MTF2: variants seen among roughly 807,000 people sequenced by gnomAD.
MTF2 encodes metal-response element-binding transcription factor 2.
MTF2 carries 11 observed loss-of-function variants against 79.5 expected under a neutral mutation model. The observed-to-expected ratio is 0.14, with a 90% CI of 0.09 to 0.23. The LOEUF (loss-of-function observed/expected upper bound fraction) is 0.23, where lower values mean the gene tolerates loss of function less well. MTF2 is among the 10% of genes least tolerant of loss of function. The pLI, the probability that MTF2 is intolerant of heterozygous loss-of-function variation, is 1.00. For missense variants in MTF2, 486 were observed against 711.2 expected (o/e 0.68, Z 3.60); for synonymous variants, 208 against 232.8 (o/e 0.89, Z 0.97).
At chr1:93,088,573 A>G (rs1313769978) in intron 1 of MTF2, among the ~76,000 whole-genome samples, 1 of 152,088 alleles carries the variant, frequency 6.6e-6, no homozygotes, top group Non-Finnish European at 1.5e-5. Context: ...TGTCATTTAC[A>G]ATTTTTTTTT....
chr1:93,097,898 C>CT (rs893539136), intron 1 of MTF2, among the ~76,000 whole-genome samples: 1 of 152,132 alleles, frequency 6.6e-6, no homozygotes, highest in East Asian at 1.9e-4. Context: ...ATGCCTGGGC[C>CT]TTTTTTTATT....
chr1:93,117,711 G>A (rs1173717843), intron 6 of MTF2, among the ~76,000 whole-genome samples: 2 of 152,118 alleles, frequency 1.3e-5, no homozygotes, highest in East Asian at 3.9e-4. Context: ...ACCTCTCCTG[G>A]GGTTTAGAGA....
chr1:93,096,067 T>A (rs1655276564), intron 1 of MTF2, among the ~76,000 whole-genome samples: 1 of 152,256 alleles, frequency 6.6e-6, no homozygotes, highest in Admixed American at 6.5e-5. Flanking sequence ...CATTCCTCAT[T>A]GTTCTTTCAG....
intron 1 of MTF2, among the ~76,000 whole-genome samples, chr1:93,102,558 C>T (rs919081122): frequency 6.6e-6 from 1 of 151,970 alleles, no homozygotes; most frequent in Non-Finnish European, 1.5e-5. Flanking sequence ...CACCACTGCA[C>T]TTCAGCCTGG....
chr1:93,079,863 T>A (rs1654527954), intron 1 of MTF2, among the ~76,000 whole-genome samples: 1 of 126,140 alleles, frequency 7.9e-6, no homozygotes, highest in Non-Finnish European at 1.7e-5. Context: ...AGGGGCAGGA[T>A]GAACCTGGTG....
At chr1:93,129,482 T>C in intron 11 of MTF2, 34 bp downstream of exon 11, 1 of 1,448,930 alleles carries the variant, frequency 6.9e-7, no homozygotes, top group Non-Finnish European at 9.2e-7. Context: ...TTTTTCTCTT[T>C]AGCTTATTTG....
chr1:93,121,115 A>G (rs1656459062), intron 9 of MTF2: 6 of 982,208 alleles, frequency 6.1e-6, no homozygotes, highest in African/African-American at 1.8e-5. Flanking sequence ...ATCTAATAAT[A>G]TTGTTAGAAA....
intron 1 of MTF2, among the ~76,000 whole-genome samples, chr1:93,096,662 G>A (rs936838839): frequency 3.3e-5 from 5 of 150,778 alleles, no homozygotes; most frequent in East Asian, 1.9e-4. Flanking sequence ...ATTTCGAGAC[G>A]TATCTCTCCA....
chr1:93,126,501 T>C (rs1418487814), intron 9 of MTF2, among the ~76,000 whole-genome samples: 2 of 151,956 alleles, frequency 1.3e-5, no homozygotes. Flanking sequence ...TTTAAGGTGT[T>C]TGTAGCATTA....
chr1:93,134,060 T>C (rs1355535195), intron 13 of MTF2, 31 bp from the exon 14 acceptor site: 1 of 1,560,486 alleles, frequency 6.4e-7, no homozygotes, highest in Non-Finnish European at 8.8e-7. Context: ...TATAATATAG[T>C]CGTTACACAA....
At chr1:93,120,855 T>C in intron 9 of MTF2, 183 bp downstream of exon 9, 1 of 1,307,420 alleles carries the variant, frequency 7.6e-7, no homozygotes. Context: ...CTCCTGTGTG[T>C]TTGTTGCCTG....
In MTF2 at chr1:93,119,321, T is replaced by C; in HGVS notation, c.729-12T>C. On this transcript the variant is annotated splice_polypyrimidine_tract_variant and intron_variant, in intron 7 of 14. Coordinates refer to ENST00000370298, the MANE Select transcript of MTF2 (RefSeq NM_007358.4). ...TCAGTATAAAACTTTTTCTTTTTTT[T>C]TTTTTTCTTAGATTTTATACGTTTA... 1 of 1,552,962 alleles carries C rather than the reference T, an allele frequency of 6.4e-7. No individual in the cohort carries two copies. Among genetic ancestry groups the C allele is most frequent in the Non-Finnish European group, 8.7e-7 (1 of 1,150,578 alleles).
chr1:93,081,970 G>A (rs927782839), intron 1 of MTF2, among the ~76,000 whole-genome samples: 9 of 152,296 alleles, frequency 5.9e-5, no homozygotes, highest in African/African-American at 1.9e-4. Context: ...AACTGAGGAA[G>A]TTCAGATTCT....
chr1:93,092,271 GA>G (rs748363342), intron 1 of MTF2, among the ~76,000 whole-genome samples: 99 of 152,202 alleles, frequency 6.5e-4, no homozygotes, highest in Non-Finnish European at 8.1e-4. Flanking sequence ...CTAGTATTCA[GA>G]AAATATCCTT....
At chr1:93,120,866 T>C in intron 9 of MTF2, 194 bp downstream of exon 9, 2 of 1,283,060 alleles carry the variant, frequency 1.6e-6, no homozygotes, top group Non-Finnish European at 2.0e-6. Flanking sequence ...TTGTTGCCTG[T>C]TGACTCTGGA....
At chr1:93,119,264 T>C in intron 7 of MTF2, 69 bp from the exon 8 acceptor site, 1 of 1,065,512 alleles carries the variant, frequency 9.4e-7, no homozygotes. Flanking sequence ...TTGGTGAATA[T>C]TAGCTATAAT....
chr1:93,123,290 C>T (rs1656561995), intron 9 of MTF2, among the ~76,000 whole-genome samples: 1 of 139,496 alleles, frequency 7.2e-6, no homozygotes, highest in Admixed American at 7.6e-5. Context: ...GACCCTTGCT[C>T]AGGCTGGAGT....
At chr1:93,080,134 A>T (rs1557536870) in intron 1 of MTF2, among the ~76,000 whole-genome samples, 1 of 152,024 alleles carries the variant, frequency 6.6e-6, no homozygotes, top group Non-Finnish European at 1.5e-5. Context: ...GGAAAGTGAG[A>T]TGGGGGAAAG....
Position 93,114,236 on chromosome 1 carries a change from G to T in MTF2, c.287-452G>T, listed in dbSNP as rs536384103. Among the ~76,000 whole-genome samples, 7 of 152,310 alleles carry T rather than the reference G, an allele frequency of 4.6e-5. No homozygotes were observed. In the South Asian group the frequency reaches 1.5e-3, roughly 32 times the overall value. The stretch of plus-strand genomic sequence containing the variant: ...ATGCTCTGAATTGAGCGAGAAAGAG[G>T]TAGTTTACTTATCTTCCTTACTTTT... On this transcript the variant is annotated intron_variant, in intron 3 of 14. Transcript: ENST00000370298.
Sources: gnomAD v4.1 joint callset for allele counts (sites outside exome capture counted in the v4.1 genomes callset) on GRCh38, gnomAD v4.1.1 for gene constraint, MANE v1.5 for transcripts, NCBI Gene and HGNC (gene_info 2026-07-23, HGNC 2026-07-21) for gene names.